MBTPS1: variants seen among roughly 807,000 people sequenced by gnomAD.
The protein encoded by MBTPS1 is membrane-bound transcription factor site-1 protease.
In MBTPS1, 94 loss-of-function variants were observed where a neutral mutation model predicts 127.8. The ratio of observed to expected loss-of-function variants is 0.74; its 90% CI spans 0.62 to 0.87. The LOEUF (loss-of-function observed/expected upper bound fraction) is 0.87. Ranked by LOEUF, MBTPS1 falls within the 40% of genes least tolerant of loss-of-function variation. The probability of loss-of-function intolerance (pLI) is 0.00; values close to 1 mark genes in which losing one functional copy is unlikely to be tolerated. For synonymous variants in MBTPS1, 632 were observed against 509.4 expected, an observed-to-expected ratio of 1.24 and a Z score of -3.24; for missense variants, 1,636 against 1,353.2, an observed-to-expected ratio of 1.21 and a Z score of -3.28.
rs1415428764 is a variant in MBTPS1, at chr16:84,095,584, C to T, written c.625+18G>A. 2 of 1,611,608 alleles carry T rather than the reference C, an allele frequency of 1.2e-6. No individual in the cohort carries two copies. Among genetic ancestry groups the T allele is most frequent in the African/African-American group, 2.7e-5 (2 of 74,898 alleles). On this transcript the variant is annotated intron_variant, in intron 4 of 22. Transcript: ENST00000343411. Reference sequence around the variant, plus strand: ...CCTGTATATCCCATAAGCACCTTCCCTGGGTAATAGCACACACCTGTATAT... The same window carrying T: ...CCTGTATATCCCATAAGCACCTTCCTTGGGTAATAGCACACACCTGTATAT...
At chr16:84,071,100 T>C (rs543562177) in intron 12 of MBTPS1, among the ~76,000 whole-genome samples, 25 of 152,336 alleles carry the variant, frequency 1.6e-4, no homozygotes, top group South Asian at 4.1e-4. Context: ...AGAACTTATA[T>C]AGATGAAAAC....
chr16:84,070,541 G>C, intron 13 of MBTPS1, 47 bp downstream of exon 13: 1 of 1,587,320 alleles, frequency 6.3e-7, no homozygotes, highest in Non-Finnish European at 8.6e-7. Context: ...CCTGAAAGGT[G>C]ATGTCAAACA....
rs138289864 is a variant in MBTPS1 at position 84,070,060 on chromosome 16, T to C, written c.1783-22A>G. On this transcript the variant is annotated intron_variant, in intron 13 of 22. Transcript: ENST00000343411. ...TTGACTAAAAAAAAAGAAAAGAAAC[T>C]TGAAACGCCCTCATTGTGCAGAAAG... 320 of 1,552,316 alleles carry C rather than the reference T, an allele frequency of 2.1e-4. 2 individuals are homozygous for C. In the East Asian group the frequency reaches 7.2e-3, roughly 35 times the overall value.
At chr16:84,105,936 A>G (rs1373425102) in intron 1 of MBTPS1, among the ~76,000 whole-genome samples, 1 of 152,160 alleles carries the variant, frequency 6.6e-6, no homozygotes, top group Non-Finnish European at 1.5e-5. Flanking sequence ...GTGCAGGGAG[A>G]CAGACCGTAA....
chr16:84,054,422 G>A lies in MBTPS1; in HGVS notation c.*27C>T, dbSNP rs1486627543. The stretch of plus-strand genomic sequence containing the variant: ...AGCGCCGTCCGTGAAGGCTCTCTCT[G>A]GCCCTCACGGTCAGCCAGGCTGCCG... On this transcript the variant is annotated 3_prime_UTR_variant, in exon 23 of 23. Coordinates refer to ENST00000343411, the MANE Select transcript of MBTPS1 (RefSeq NM_003791.4). 5 of 1,566,716 alleles carry A rather than the reference G, an allele frequency of 3.2e-6. No homozygotes were observed. The African/African-American group carries it at 5.4e-5, about 17-fold the overall frequency.
intron 13 of MBTPS1, 82 bp downstream of exon 13, chr16:84,070,506 A>T: frequency 4.4e-6 from 6 of 1,372,602 alleles, no homozygotes; most frequent in Non-Finnish European, 6.1e-6. Context: ...TCCAATGGAG[A>T]CCCCAGGCAT....
At chr16:84,101,130 C>T (rs1422451583) in intron 2 of MBTPS1, among the ~76,000 whole-genome samples, 1 of 151,886 alleles carries the variant, frequency 6.6e-6, no homozygotes, top group Non-Finnish European at 1.5e-5. Context: ...GAAACCCCAT[C>T]TCTACTAAAA....
chr16:84,060,432 G>A (rs145565470), intron 20 of MBTPS1: 7,003 of 425,956 alleles, frequency 0.016, 114 homozygotes, highest in Non-Finnish European at 0.02. Flanking sequence ...TCAGAGTGGC[G>A]TGAGGGTCGG....
At position 84,065,700 on chromosome 16, in the gene MBTPS1, GAA is replaced by G; in HGVS notation, c.2419_2420del (p.Phe807GlnfsTer16). ...PEDGVVITQT[F>X]KDQGLEVLKQ... is the part of the protein sequence containing the mutation. Reference sequence around the variant, plus strand: ...AATGGCATCCTTTACCTTGGTCCTTGAAAGTCTGTGTTATCACGACGCCATCT... The same window carrying G: ...AATGGCATCCTTTACCTTGGTCCTTGAGTCTGTGTTATCACGACGCCATCT... On this transcript the variant is annotated frameshift_variant, in exon 18 of 23. Transcript: ENST00000343411. LOFTEE classifies it high-confidence loss of function. 6.2e-7 allele frequency: 1 copy of G among 1,612,668 alleles called. No homozygotes were observed. Among genetic ancestry groups the G allele is most frequent in the Non-Finnish European group, 8.5e-7 (1 of 1,179,026 alleles).
intron 1 of MBTPS1, among the ~76,000 whole-genome samples, chr16:84,111,949 C>T (rs1330768002): frequency 6.6e-6 from 1 of 151,826 alleles, no homozygotes; most frequent in African/African-American, 2.4e-5. Flanking sequence ...TCCTGTAATC[C>T]CAGCACTTTG....
Position 84,068,808 on chromosome 16 carries a change from C to G in MBTPS1, c.1956-354G>C, listed in dbSNP as rs76719216. ...TCTGACAGAAGAGCTTAGCAAATAG[C>G]CGCGGGAGTGCAGGGACGCTGGAAC... On this transcript the variant is annotated intron_variant, in intron 14 of 22. Transcript: ENST00000343411. Among the ~76,000 whole-genome samples, 93 of 152,346 alleles carry G rather than the reference C, an allele frequency of 6.1e-4. 1 individual carries two copies. Among genetic ancestry groups the G allele is most frequent in the African/African-American group, 2.1e-3 (87 of 41,570 alleles).
chr16:84,085,293 C>T (rs1002590105), intron 9 of MBTPS1, among the ~76,000 whole-genome samples, 159 bp from the exon 10 acceptor site: 20 of 152,098 alleles, frequency 1.3e-4, no homozygotes, highest in African/African-American at 4.6e-4. Context: ...CCAGGCCAGG[C>T]GCAAGGCTCA....
chr16:84,086,047 A>G (rs989117145), intron 9 of MBTPS1: 2 of 152,228 alleles, frequency 1.3e-5, no homozygotes, highest in African/African-American at 2.4e-5. Context: ...AAATTAGAAT[A>G]GGATCTCATA....
In MBTPS1 at chr16:84,065,869, AT is replaced by A. The variant is rs537433736; in HGVS notation, c.2354-103del. On this transcript the variant is annotated intron_variant, in intron 17 of 22. Coordinates refer to ENST00000343411, the MANE Select transcript of MBTPS1 (RefSeq NM_003791.4). ...AAAATACATTCTTCAGATGCTATGT[AT>A]TTTTTTAATTGTTTTTAATCTTGAG... 88 of 630,768 alleles carry A rather than the reference AT, an allele frequency of 1.4e-4. 1 individual carries two copies. The highest frequency in any genetic ancestry group is 9.2e-4 in the South Asian group (39 of 42,258). The allele number at this position is 630,768 out of a possible 1,614,324, so 39.1% of individuals were successfully genotyped here. A position where few individuals can be genotyped will look rare whatever the true frequency, so the allele number is the denominator to read the frequency against.
intron 20 of MBTPS1, chr16:84,060,425 G>A (rs1567471475): frequency 2.4e-6 from 1 of 412,412 alleles, no homozygotes; most frequent in Non-Finnish European, 4.5e-6. Context: ...AACACACTCA[G>A]AGTGGCGTGA....
At chr16:84,058,330 T>C (rs1273518026) in intron 21 of MBTPS1, among the ~76,000 whole-genome samples, 2 of 152,156 alleles carry the variant, frequency 1.3e-5, no homozygotes, top group Non-Finnish European at 2.9e-5. Flanking sequence ...GGACGGAAGG[T>C]GGCCTCCGTC....
chr16:84,071,659 T>C (rs945078424), intron 12 of MBTPS1: 12 of 152,332 alleles, frequency 7.9e-5, no homozygotes, highest in African/African-American at 2.9e-4. Context: ...ATGGAAATTT[T>C]ATTATCTCTC....
intron 19 of MBTPS1, among the ~76,000 whole-genome samples, chr16:84,062,962 C>T (rs752304239): frequency 1.3e-5 from 2 of 152,196 alleles, no homozygotes; most frequent in African/African-American, 2.4e-5. Context: ...CCAGGCAGCA[C>T]GGCGTAGGAA....
At chr16:84,097,837 C>CGTGTGTAT (rs377529384) in intron 3 of MBTPS1, among the ~76,000 whole-genome samples, 1 of 143,026 alleles carries the variant, frequency 7.0e-6, no homozygotes, top group African/African-American at 2.6e-5. Flanking sequence ...AACTTCTCTT[C>CGTGTGTAT]GTGTGTGTGT....
Sources: allele counts gnomAD v4.1 joint callset (sites outside exome capture counted in the v4.1 genomes callset), GRCh38; gene constraint gnomAD v4.1.1; transcripts MANE v1.5; gene names NCBI Gene and HGNC (gene_info 2026-07-23, HGNC 2026-07-21).